The following CREM variants were observed in gnomAD, a reference collection of about 807,000 sequenced individuals.
CREM encodes cAMP-responsive element modulator.
CREM carries 13 observed loss-of-function variants against 37.3 expected under a neutral mutation model. That is an observed-to-expected ratio of 0.35 (90% CI 0.23 to 0.55). The LOEUF (loss-of-function observed/expected upper bound fraction) is 0.55, where lower values mean the gene tolerates loss of function less well. Ranked by LOEUF, CREM falls within the 20% of genes least tolerant of loss-of-function variation. CREM has a pLI of 0.88. For synonymous variants in CREM, 124 were observed against 120.2 expected, an observed-to-expected ratio of 1.03 and a Z score of -0.21; for missense variants, 296 against 362.3, an observed-to-expected ratio of 0.82 and a Z score of 1.49.
chr10:35,175,671 A>T (rs763405299), intron 3 of CREM: 3 of 1,614,036 alleles, frequency 1.9e-6, no homozygotes, highest in South Asian at 1.1e-5. Context: ...CACATCAGAA[A>T]ATGACTGTTC....
At chr10:35,138,167 A>G (rs528245587) in intron 2 of CREM, among the ~76,000 whole-genome samples, 30 of 152,366 alleles carry the variant, frequency 2.0e-4, no homozygotes, top group Non-Finnish European at 3.7e-4. Flanking sequence ...GGAATTGTAG[A>G]ATTCGAAGAA....
At chr10:35,180,008 C>T (rs1016068151) in intron 5 of CREM, among the ~76,000 whole-genome samples, 1 of 152,070 alleles carries the variant, frequency 6.6e-6, no homozygotes, top group African/African-American at 2.4e-5. Context: ...CCTAAGCTAG[C>T]CCCTTAGGTA....
chr10:35,203,682 ACT>A (rs1264770787), intron 6 of CREM, among the ~76,000 whole-genome samples: 1 of 150,200 alleles, frequency 6.7e-6, no homozygotes, highest in Non-Finnish European at 1.5e-5. Flanking sequence ...GCAGCGTGAG[ACT>A]CTGTCTCAAA....
intron 3 of CREM, among the ~76,000 whole-genome samples, chr10:35,157,405 C>T (rs909367028): frequency 1.7e-4 from 26 of 152,026 alleles, no homozygotes; most frequent in African/African-American, 5.1e-4. Flanking sequence ...TTGAGGCAGG[C>T]GGATCGCTGG....
At chr10:35,151,162 A>G (rs906304951) in intron 3 of CREM, among the ~76,000 whole-genome samples, 2 of 152,228 alleles carry the variant, frequency 1.3e-5, no homozygotes, top group Non-Finnish European at 2.9e-5. Flanking sequence ...GGAACATTAT[A>G]GAGACTTGTG....
At chr10:35,145,308 A>G (rs1006484807) in intron 2 of CREM, among the ~76,000 whole-genome samples, 2 of 151,814 alleles carry the variant, frequency 1.3e-5, no homozygotes, top group African/African-American at 4.8e-5. Flanking sequence ...CCAATCACCT[A>G]TTCTGTTTCC....
At chr10:35,131,198 A>G (rs1477533378) in intron 1 of CREM, among the ~76,000 whole-genome samples, 2 of 152,246 alleles carry the variant, frequency 1.3e-5, no homozygotes, top group Non-Finnish European at 2.9e-5. Context: ...AAACAGTAGT[A>G]TAACCAGGCC....
rs1442179077 is a variant in CREM, at chr10:35,178,946, C to T, written c.226C>T (p.His76Tyr). The T allele has an allele frequency of 6.2e-7, 1 of 1,613,402 alleles. No individual in the cohort carries two copies. ...AGAATCAGAAGGTGTAATTGATTCT[C>T]ATAAACGTAGAGAAATCCTTTCACG... is the stretch of plus-strand genomic sequence containing the variant. ...SAESEGVIDS[H>Y]KRREILSRRP... is the part of the protein sequence containing the mutation. The change falls in exon 4 of 8, where the codon CAT becomes TAT. Residue 76 changes from histidine to tyrosine, a missense_variant. His to Tyr is a moderately conservative substitution (Grantham distance 83). Transcript: ENST00000685392.
chr10:35,201,962 C>T (rs1256873524), intron 6 of CREM, among the ~76,000 whole-genome samples: 1 of 152,162 alleles, frequency 6.6e-6, no homozygotes. Context: ...CACATTAACT[C>T]ATGAAACACC....
At position 35,129,010 on chromosome 10, in the gene CREM, C is replaced by T. The variant is rs189483061; in HGVS notation, c.-55+1817C>T. ...AAAGAACTATGTATTGATCCCAACA[C>T]AGCTTTAACAAATATATTAAAATGG... is the stretch of plus-strand genomic sequence containing the variant. On this transcript the variant is annotated intron_variant, in intron 1 of 7. Coordinates refer to ENST00000685392, the MANE Select transcript of CREM (RefSeq NM_183011.2). Among the ~76,000 whole-genome samples the T allele has an allele frequency of 8.0e-3, 1,211 of 152,324 alleles. 6 individuals carry two copies. Among genetic ancestry groups the T allele is most frequent in the Non-Finnish European group, 0.011 (782 of 68,026 alleles).
intron 2 of CREM, among the ~76,000 whole-genome samples, chr10:35,145,562 C>T (rs1178658339): frequency 3.9e-5 from 6 of 152,122 alleles, no homozygotes; most frequent in African/African-American, 1.4e-4. Context: ...AGGCAGATCA[C>T]CTGAGGTCAG....
At chr10:35,144,730 C>G (rs987889036) in intron 2 of CREM, among the ~76,000 whole-genome samples, 52 of 146,144 alleles carry the variant, frequency 3.6e-4, no homozygotes, top group South Asian at 1.3e-3. Flanking sequence ...TCTTTTTAAT[C>G]ATTAAAACTT....
intron 1 of CREM, among the ~76,000 whole-genome samples, chr10:35,135,184 TTCAAAA>T (rs2090237853): frequency 1.3e-5 from 2 of 152,198 alleles, no homozygotes; most frequent in Admixed American, 1.3e-4. Context: ...TTAGATGGCC[TTCAAAA>T]TATGGCAGAG....
chr10:35,149,702 GGC>G (rs2092433339), intron 3 of CREM, among the ~76,000 whole-genome samples: 1 of 152,066 alleles, frequency 6.6e-6, no homozygotes, highest in Non-Finnish European at 1.5e-5. Context: ...GGTTATATTA[GGC>G]CAGACTGGTG....
intron 1 of CREM, among the ~76,000 whole-genome samples, chr10:35,131,228 A>G (rs1259589614): frequency 1.3e-5 from 2 of 152,220 alleles, no homozygotes; most frequent in African/African-American, 4.8e-5. Context: ...TCAAGATACT[A>G]ATAAAATCCT....
chr10:35,165,056 C>CAAAAACAA (rs2093473288), intron 3 of CREM, among the ~76,000 whole-genome samples: 1 of 74,956 alleles, frequency 1.3e-5, no homozygotes, highest in African/African-American at 5.3e-5. Context: ...GGCTCCATCT[C>CAAAAACAA]AAAAAAAAAA....
At chr10:35,192,480 C>G (rs750676371) in intron 6 of CREM, among the ~76,000 whole-genome samples, 4 of 152,134 alleles carry the variant, frequency 2.6e-5, no homozygotes, top group Non-Finnish European at 5.9e-5. Flanking sequence ...TCCCGAGTAG[C>G]TGGGATTACA....
intron 2 of CREM, among the ~76,000 whole-genome samples, chr10:35,145,714 G>C (rs1589403597): frequency 6.7e-6 from 1 of 148,542 alleles, no homozygotes; most frequent in African/African-American, 2.5e-5. Flanking sequence ...GGGAGGCAGA[G>C]GTTGCAGTGA....
chr10:35,169,404 C>T (rs1383681922), intron 3 of CREM, among the ~76,000 whole-genome samples: 1 of 152,018 alleles, frequency 6.6e-6, no homozygotes, highest in Admixed American at 6.6e-5. Flanking sequence ...TTGTCTGTTA[C>T]TGGTGTATAA....
Sources: gnomAD v4.1 joint callset for allele counts (sites outside exome capture counted in the v4.1 genomes callset) on GRCh38, gnomAD v4.1.1 for gene constraint, MANE v1.5 for transcripts, NCBI Gene and HGNC (gene_info 2026-07-23, HGNC 2026-07-21) for gene names.